MED12L: variants seen among roughly 807,000 people sequenced by gnomAD.
MED12L encodes the protein mediator of RNA polymerase II transcription subunit 12-like protein.
MED12L carries 60 observed loss-of-function variants against 281.3 expected under a neutral mutation model. That is an observed-to-expected ratio of 0.21 (90% confidence interval 0.17 to 0.26). MED12L has a LOEUF of 0.26. Among genes scored for constraint, MED12L ranks in the 10% least tolerant of loss-of-function variants. The pLI is 1.00. For missense variants in MED12L, 2,146 were observed against 2,680.9 expected, an observed-to-expected ratio of 0.80 and a Z score of 4.41; for synonymous variants, 974 against 987.2, an observed-to-expected ratio of 0.99 and a Z score of 0.25.
intron 44 of MED12L, among the ~76,000 whole-genome samples, chr3:151,431,518 C>G (rs746721049): frequency 4.6e-5 from 7 of 152,074 alleles, no homozygotes; most frequent in Non-Finnish European, 1.0e-4. Flanking sequence ...TCAGTTAAAT[C>G]AAGTAAATCT....
intron 16 of MED12L, chr3:151,212,393 A>T (rs1481956525): frequency 1.3e-5 from 2 of 152,180 alleles, no homozygotes; most frequent in African/African-American, 4.8e-5. Context: ...TTTTAGATTT[A>T]AAAAAATCAA....
chr3:151,114,780 C>G (rs997976517), intron 2 of MED12L, among the ~76,000 whole-genome samples: 2 of 148,888 alleles, frequency 1.3e-5, no homozygotes, highest in Admixed American at 6.7e-5. Context: ...TTTTTTAAAG[C>G]CTTGGGTTAT....
At chr3:151,423,427 T>C (rs1338444895) in intron 43 of MED12L, among the ~76,000 whole-genome samples, 2 of 151,928 alleles carry the variant, frequency 1.3e-5, no homozygotes, top group Non-Finnish European at 2.9e-5. Context: ...GAAAACAGAG[T>C]TTTTCTGTGA....
chr3:151,321,508 AT>A (rs923117707), intron 16 of MED12L, among the ~76,000 whole-genome samples: 1 of 152,036 alleles, frequency 6.6e-6, no homozygotes, highest in East Asian at 1.9e-4. Flanking sequence ...TAAAGCTAAT[AT>A]TTTTTTTAAA....
intron 16 of MED12L, among the ~76,000 whole-genome samples, chr3:151,339,276 C>T (rs997339116): frequency 6.6e-6 from 1 of 151,998 alleles, no homozygotes; most frequent in South Asian, 2.1e-4. Flanking sequence ...CCCCCAACGT[C>T]CTTATTTCTG....
chr3:151,227,388 T>A (rs2149302983), intron 16 of MED12L, among the ~76,000 whole-genome samples: 1 of 152,270 alleles, frequency 6.6e-6, no homozygotes, highest in East Asian at 1.9e-4. Context: ...TACAAACAGA[T>A]CCAACTCTTG....
chr3:151,348,528 G>A (rs1484948264), intron 16 of MED12L, among the ~76,000 whole-genome samples: 1 of 151,178 alleles, frequency 6.6e-6, no homozygotes, highest in Admixed American at 6.6e-5. Context: ...AGGTACTCAG[G>A]ATATTAAATA....
chr3:151,149,464 C>T (rs1204860604), intron 5 of MED12L, among the ~76,000 whole-genome samples: 1 of 152,062 alleles, frequency 6.6e-6, no homozygotes, highest in East Asian at 1.9e-4. Context: ...TACTTCATCC[C>T]TAAAAATGCT....
chr3:151,163,052 G>A (rs747170539), intron 8 of MED12L, among the ~76,000 whole-genome samples: 3 of 152,194 alleles, frequency 2.0e-5, no homozygotes, highest in Non-Finnish European at 4.4e-5. Context: ...TTAGGAGGCA[G>A]GATAACATAG....
intron 2 of MED12L, 26 bp from the exon 3 acceptor site, chr3:151,116,312 C>G: frequency 6.5e-7 from 1 of 1,532,404 alleles, no homozygotes; most frequent in Non-Finnish European, 9.0e-7. Context: ...CATCCTTCTG[C>G]TTAATCAATA....
At chr3:151,274,284 CAGT>C (rs1741485216) in intron 16 of MED12L, among the ~76,000 whole-genome samples, 1 of 152,218 alleles carries the variant, frequency 6.6e-6, no homozygotes, top group Non-Finnish European at 1.5e-5. Context: ...TAACTTGCCT[CAGT>C]GGTACCAGTT....
chr3:151,190,721 C>T lies in MED12L; in HGVS notation c.1758C>T (p.Asp586=). 6.2e-7 allele frequency: 1 copy of T among 1,614,010 alleles called. No individual in the cohort carries two copies. The highest frequency in any genetic ancestry group is 8.5e-7 in the Non-Finnish European group (1 of 1,179,958). The part of the protein sequence containing the change: ...FLDTQAPSLS[D]PNSECEKVEF... The stretch of plus-strand genomic sequence containing the variant: ...ATTGAATTTGTTTCTCTATAGCGGA[C>T]CCAAACAGTGAATGTGAAAAGGTGG... The change falls in exon 14 of 45, where the codon GAC becomes GAT. Residue 586 remains aspartate, a synonymous_variant. Coordinates refer to ENST00000687756, the MANE Select transcript of MED12L (RefSeq NM_001393769.1).
intron 16 of MED12L, among the ~76,000 whole-genome samples, chr3:151,323,134 A>G (rs987718662): frequency 1.3e-5 from 2 of 152,166 alleles, no homozygotes; most frequent in African/African-American, 4.8e-5. Context: ...TGTTAACCAC[A>G]TGTTTTACAT....
At chr3:151,152,098 T>C (rs1474848018) in intron 5 of MED12L, among the ~76,000 whole-genome samples, 1 of 122,610 alleles carries the variant, frequency 8.2e-6, no homozygotes, top group East Asian at 2.3e-4. Context: ...TTTTTTTTTT[T>C]TTTTTTTTTT....
At chr3:151,396,878 T>C (rs1000290968) in intron 39 of MED12L, among the ~76,000 whole-genome samples, 5 of 152,358 alleles carry the variant, frequency 3.3e-5, no homozygotes, top group Admixed American at 3.3e-4. Flanking sequence ...TGACAAACGA[T>C]TTCAGCTAGA....
chr3:151,377,088 C>A lies in MED12L; in HGVS notation c.4226C>A (p.Ser1409Tyr). The A allele has an allele frequency of 2.5e-6, 4 of 1,614,070 alleles. No individual in the cohort carries two copies. The highest frequency in any genetic ancestry group is 3.4e-6 in the Non-Finnish European group (4 of 1,179,950). The change falls in exon 30 of 45, where the codon TCT becomes TAT. Residue 1409 changes from serine (S) to tyrosine (Y), a missense_variant. Physicochemically the swap from Ser to Tyr is moderately radical, Grantham distance 144. This residue lies in a region of MED12L where 235 missense variants were observed against 260.3 expected (regional missense o/e 0.90). Coordinates refer to ENST00000687756, the MANE Select transcript of MED12L (RefSeq NM_001393769.1). ...CAGTCTGCAGACCTAAATAATTCTT[C>A]TAATTCTGGCATGAGCCTCTTCAAC... is the stretch of plus-strand genomic sequence containing the variant. The part of the protein sequence containing the change: ...FQQSADLNNS[S>Y]NSGMSLFNPN...
In MED12L at chr3:151,116,431, A is replaced by C; in HGVS notation, c.193A>C (p.Asn65His). 6.2e-7 allele frequency: 1 copy of C among 1,608,570 alleles called. No individual in the cohort carries two copies. The highest frequency in any genetic ancestry group is 8.5e-7 in the Non-Finnish European group (1 of 1,175,414). Residue 65 changes from asparagine (N) to histidine (H), a missense_variant, in exon 3 of 45, where the codon AAC becomes CAC. This residue lies in a region of MED12L where 722 missense variants were observed against 861.2 expected (regional missense o/e 0.84). Transcript: ENST00000687756. ...EHGSARNIVINPSKIGAYFSS... is the reference protein window; with the variant it reads ...EHGSARNIVIHPSKIGAYFSS... ...TGGCTCAGCCAGAAATATTGTAATT[A>C]ACCCATCAAAGGTAATGTTATTTGT...
chr3:151,089,312 T>A (rs775220165), intron 2 of MED12L, among the ~76,000 whole-genome samples: 1 of 152,188 alleles, frequency 6.6e-6, no homozygotes, highest in Non-Finnish European at 1.5e-5. Flanking sequence ...TAAAAGTTCA[T>A]CTGTGTATCG....
At position 151,293,576 on chromosome 3, in the gene MED12L, TACACAC is replaced by T. The variant is rs55846173; in HGVS notation, c.2251-56446_2251-56441del. Among the ~76,000 whole-genome samples, 209 of 76,226 alleles carry T rather than the reference TACACAC, an allele frequency of 2.7e-3. 1 individual carries two copies. Among genetic ancestry groups the T allele is most frequent in the Middle Eastern group, 7.7e-3 (1 of 130 alleles). 50.0% of individuals were successfully genotyped at this position (76,226 alleles called of 152,430 possible). A position where few individuals can be genotyped will look rare whatever the true frequency, so the allele number is the denominator to read the frequency against. ...ACAGAGGGTCCTAAAATGAAGCCCT[TACACAC>T]ACACACACACACACACACACACACA... On this transcript the variant is annotated intron_variant, in intron 16 of 44. Coordinates refer to ENST00000687756, the MANE Select transcript of MED12L (RefSeq NM_001393769.1).
Sources: allele counts gnomAD v4.1 joint callset (sites outside exome capture counted in the v4.1 genomes callset), GRCh38; gene constraint gnomAD v4.1.1; regional missense constraint gnomAD v4.1.1; transcripts MANE v1.5; gene names NCBI Gene and HGNC (gene_info 2026-07-23, HGNC 2026-07-21).